The following PCDHA3 variants were observed in gnomAD, a reference collection of about 807,000 sequenced individuals.
The protein encoded by PCDHA3 is protocadherin alpha 3.
In PCDHA3, 41 loss-of-function variants were observed where a neutral mutation model predicts 62.2. That is an observed-to-expected ratio of 0.66 (90% CI 0.51 to 0.86). The LOEUF (loss-of-function observed/expected upper bound fraction) is 0.86, where lower values mean the gene tolerates loss of function less well. Ranked by LOEUF, PCDHA3 falls within the 40% of genes least tolerant of loss-of-function variation. PCDHA3 has a pLI of 0.00. For missense variants in PCDHA3, 1,304 were observed against 1,241.2 expected (o/e 1.05, Z -0.76); for synonymous variants, 640 against 555.4 (o/e 1.15, Z -2.14).
intron 1 of PCDHA3, among the ~76,000 whole-genome samples, chr5:140,892,875 G>A (rs1041608064): frequency 1.3e-5 from 2 of 152,022 alleles, no homozygotes; most frequent in Non-Finnish European, 2.9e-5. Flanking sequence ...CTATAATTTC[G>A]TATCCATTAA....
chr5:140,809,587 TC>T lies in PCDHA3; in HGVS notation c.2394+5998del, dbSNP rs782699419. The T allele has an allele frequency of 5.2e-6, 8 of 1,541,010 alleles. No homozygotes were observed. The African/African-American group carries it at 1.1e-4, about 21-fold the overall frequency. ...CCTTTGCAAAGGTTAGTGTATAACA[TC>T]CTTTTGTTTAATTTTCGTATTGTTT... On this transcript the variant is annotated intron_variant, in intron 1 of 3. Coordinates refer to ENST00000522353, the MANE Select transcript of PCDHA3 (RefSeq NM_018906.3).
intron 1 of PCDHA3, among the ~76,000 whole-genome samples, chr5:140,955,950 C>G (rs2095241045): frequency 6.6e-6 from 1 of 151,920 alleles, no homozygotes; most frequent in African/African-American, 2.4e-5. Flanking sequence ...TGTCTACTTG[C>G]TTGTTGTTTG....
At chr5:140,978,903 C>T in intron 1 of PCDHA3, 46 bp from the exon 2 acceptor site, 4 of 1,613,202 alleles carry the variant, frequency 2.5e-6, no homozygotes, top group Middle Eastern at 1.7e-4. Flanking sequence ...CCTGGGAGAA[C>T]ATTGTCTTGT....
At chr5:140,848,419 T>C in intron 1 of PCDHA3, 1 of 1,412,874 alleles carries the variant, frequency 7.1e-7, no homozygotes, top group Non-Finnish European at 9.7e-7. Context: ...CACAGCAGAA[T>C]GGGACTGACG....
intron 1 of PCDHA3, chr5:140,807,024 G>A (rs1763832295): frequency 1.2e-5 from 10 of 843,172 alleles, no homozygotes; most frequent in East Asian, 5.1e-5. Context: ...CATGAGAGAA[G>A]GAGGAAGAAG....
chr5:140,808,318 A>T, intron 1 of PCDHA3: 2 of 1,614,246 alleles, frequency 1.2e-6, no homozygotes, highest in Non-Finnish European at 1.7e-6. Context: ...TGTCCGACAA[A>T]GACATGGGTG....
intron 1 of PCDHA3, chr5:140,808,547 G>C (rs782172662): frequency 6.2e-7 from 1 of 1,614,130 alleles, no homozygotes; most frequent in South Asian, 1.1e-5. Flanking sequence ...CAACGCTCCG[G>C]CGTTCGCGCA....
At chr5:141,006,192 G>A (rs2098259902) in intron 3 of PCDHA3, among the ~76,000 whole-genome samples, 1 of 150,138 alleles carries the variant, frequency 6.7e-6, no homozygotes, top group African/African-American at 2.5e-5. Context: ...TTTGCTATAT[G>A]TATGTTATGC....
intron 1 of PCDHA3, chr5:140,811,105 C>G (rs1764793760): frequency 6.6e-6 from 1 of 152,154 alleles, no homozygotes; most frequent in Non-Finnish European, 1.5e-5. Context: ...GTTTGCTGCA[C>G]CCATCAACTC....
At chr5:140,851,474 T>C in intron 1 of PCDHA3, 9 of 889,824 alleles carry the variant, frequency 1.0e-5, no homozygotes, top group Non-Finnish European at 1.2e-5. Context: ...TCAATAAATG[T>C]TATAAACACA....
chr5:140,906,665 AC>A (rs558667206), intron 1 of PCDHA3, among the ~76,000 whole-genome samples: 132 of 152,200 alleles, frequency 8.7e-4, no homozygotes, highest in African/African-American at 3.2e-3. Context: ...TGGTGTAGTG[AC>A]CCAAACCTTC....
At chr5:140,939,521 T>C (rs540311861) in intron 1 of PCDHA3, among the ~76,000 whole-genome samples, 3 of 152,326 alleles carry the variant, frequency 2.0e-5, no homozygotes, top group Non-Finnish European at 2.9e-5. Flanking sequence ...TTAATAGTTA[T>C]AGAATTATAC....
chr5:140,865,315 G>A (rs183867521), intron 1 of PCDHA3: 43 of 152,182 alleles, frequency 2.8e-4, no homozygotes, highest in African/African-American at 7.9e-4. Flanking sequence ...CAAATGAGAT[G>A]GCCTTTAATT....
intron 1 of PCDHA3, chr5:140,854,326 T>G (rs1243654252): frequency 4.3e-6 from 1 of 230,654 alleles, no homozygotes; most frequent in East Asian, 1.8e-4. Context: ...AATGGCAAAC[T>G]TATTTTACGC....
intron 1 of PCDHA3, among the ~76,000 whole-genome samples, chr5:140,908,762 C>T (rs962553584): frequency 7.9e-5 from 12 of 152,104 alleles, no homozygotes; most frequent in Admixed American, 2.6e-4. Flanking sequence ...ACAGCCTGGA[C>T]GTGTTGTAGA....
At chr5:141,001,974 C>T (rs1375819013) in intron 3 of PCDHA3, among the ~76,000 whole-genome samples, 1 of 152,136 alleles carries the variant, frequency 6.6e-6, no homozygotes, top group African/African-American at 2.4e-5. Flanking sequence ...TGTCTCTGCG[C>T]GGAAAGCCTG....
intron 1 of PCDHA3, chr5:140,809,539 T>A (rs782730163): frequency 6.2e-6 from 10 of 1,613,610 alleles, no homozygotes; most frequent in Non-Finnish European, 8.5e-6. Context: ...ACAGAGAAGA[T>A]CAGCTGCAGA....
intron 2 of PCDHA3, 91 bp from the exon 3 acceptor site, chr5:140,982,384 C>T (rs1245752901): frequency 6.3e-7 from 1 of 1,584,990 alleles, no homozygotes; most frequent in African/African-American, 1.3e-5. Context: ...GCAGCCCTGG[C>T]TTCATAGTTG....
At chr5:140,926,053 C>T (rs768010675) in intron 1 of PCDHA3, among the ~76,000 whole-genome samples, 10 of 152,230 alleles carry the variant, frequency 6.6e-5, no homozygotes, top group Non-Finnish European at 1.5e-4. Context: ...CCCCAACCTT[C>T]TTCCCCTCCT....
Sources: gnomAD v4.1 joint callset for allele counts (sites outside exome capture counted in the v4.1 genomes callset) on GRCh38, gnomAD v4.1.1 for gene constraint, MANE v1.5 for transcripts, NCBI Gene and HGNC (gene_info 2026-07-23, HGNC 2026-07-21) for gene names.